Variants in PIWIL3 observed in about 807,000 individuals in gnomAD.
PIWIL3 encodes piwi-like protein 3.
Under a neutral mutation model 109.7 loss-of-function variants are expected in PIWIL3, and 101 were observed. The ratio of observed to expected loss-of-function variants is 0.92; its 90% CI spans 0.78 to 1.09. The LOEUF is 1.09. Among genes scored for constraint, PIWIL3 ranks in the 50% least tolerant of loss-of-function variants. The probability of loss-of-function intolerance (pLI) is 0.00; values close to 1 mark genes in which losing one functional copy is unlikely to be tolerated. For missense variants in PIWIL3, 1,031 were observed against 1,072.6 expected (o/e 0.96, Z 0.54); for synonymous variants, 373 against 376.4 (o/e 0.99, Z 0.10).
chr22:24,722,269 A>T (rs891086316), intron 19 of PIWIL3, among the ~76,000 whole-genome samples: 1 of 152,010 alleles, frequency 6.6e-6, no homozygotes, highest in Non-Finnish European at 1.5e-5. Context: ...TTTTTAGTGG[A>T]GACGAGGTTT....
At chr22:24,773,208 C>T (rs1926224390) in intron 1 of PIWIL3, among the ~76,000 whole-genome samples, 1 of 152,148 alleles carries the variant, frequency 6.6e-6, no homozygotes. Flanking sequence ...GCCATCTCTG[C>T]TGTGATGCTC....
At position 24,725,510 on chromosome 22, in the gene PIWIL3, T is replaced by TACC. The variant is rs756856279; in HGVS notation, c.2012_2014dup (p.Trp671dup). The TACC allele has an allele frequency of 3.9e-4, 625 of 1,613,910 alleles. No individual in the cohort carries two copies. Among genetic ancestry groups the TACC allele is most frequent in the Non-Finnish European group, 5.0e-4 (595 of 1,180,016 alleles). The stretch of plus-strand genomic sequence containing the variant: ...TGTTTTCTGGATGACACATTGAGAG[T>TACC]ACCACCTGTTCACAGAAAAACCACC... On this transcript the variant is annotated inframe_insertion, in exon 17 of 21. Transcript: ENST00000616349.
chr22:24,758,166 C>A, intron 3 of PIWIL3, 127 bp from the exon 4 acceptor site: 2 of 1,143,782 alleles, frequency 1.7e-6, no homozygotes, highest in South Asian at 1.6e-5. Context: ...AACACATTTC[C>A]GTGATATGTT....
At chr22:24,733,704 C>A (rs5751961) in intron 14 of PIWIL3, among the ~76,000 whole-genome samples, 4 of 85,234 alleles carry the variant, frequency 4.7e-5, no homozygotes, top group South Asian at 5.4e-4. Flanking sequence ...AAACAAAAAA[C>A]AACAACAACA....
In PIWIL3 at chr22:24,725,511, ACCACCTGTT is replaced by A; in HGVS notation, c.2010-5_2013del. The A allele has an allele frequency of 6.2e-7, 1 of 1,613,986 alleles. No individual in the cohort carries two copies. The highest frequency in any genetic ancestry group is 1.1e-5 in the South Asian group (1 of 91,092). ...GTTTTCTGGATGACACATTGAGAGT[ACCACCTGTT>A]CACAGAAAAACCACCAGTTTGGAAA... On this transcript the variant is annotated splice_acceptor_variant and splice_polypyrimidine_tract_variant and coding_sequence_variant and intron_variant, in exon 17 of 21. Coordinates refer to ENST00000616349, the MANE Select transcript of PIWIL3 (RefSeq NM_001255975.1). LOFTEE classifies it high-confidence loss of function.
At chr22:24,750,628 AC>A (rs1924652590) in intron 9 of PIWIL3, among the ~76,000 whole-genome samples, 1 of 150,754 alleles carries the variant, frequency 6.6e-6, no homozygotes, top group Admixed American at 6.6e-5. Flanking sequence ...AGCTGGGATT[AC>A]AGGCACGTGC....
intron 16 of PIWIL3, among the ~76,000 whole-genome samples, 197 bp from the exon 17 acceptor site, chr22:24,725,712 A>T (rs985341111): frequency 6.6e-6 from 1 of 152,270 alleles, no homozygotes; most frequent in Non-Finnish European, 1.5e-5. Context: ...GCATACAAAT[A>T]GTCAAGTAGA....
Position 24,759,938 on chromosome 22 carries a change from C to A in PIWIL3, c.154G>T (p.Val52Phe). The A allele has an allele frequency of 6.2e-7, 1 of 1,614,190 alleles. No homozygotes were observed. ...QSTPRPLQEE[V>F]PVVRPLQPRA... ...GGCTGCAGAGGTCTAACCACTGGGA[C>A]TTCCTCCTGCAGCGGCCGGGGTGTC... Residue 52 changes from valine (V) to phenylalanine (F), a missense_variant, in exon 3 of 21, where the codon GTC (valine) becomes TTC (phenylalanine). Val to Phe is a conservative substitution (Grantham distance 50, BLOSUM62 -1). Transcript: ENST00000616349.
chr22:24,765,185 T>C (rs1413172506), intron 1 of PIWIL3, among the ~76,000 whole-genome samples: 2 of 152,222 alleles, frequency 1.3e-5, no homozygotes, highest in African/African-American at 2.4e-5. Context: ...ACTGAAATGT[T>C]TGGATTCTCT....
At position 24,731,649 on chromosome 22, in the gene PIWIL3, C is replaced by CAAA. The variant is rs773614986; in HGVS notation, c.1707+2432_1707+2434dup. Among the ~76,000 whole-genome samples the CAAA allele has an allele frequency of 3.8e-3, 365 of 96,914 alleles. 3 individuals carry two copies. The highest frequency in any genetic ancestry group is 0.013 in the African/African-American group (340 of 26,524). 63.6% of individuals were successfully genotyped at this position (96,914 alleles called of 152,430 possible). ...CTGGGCGACAGAGTGAGACTCCGTC[C>CAAA]AAAAAAAAAAAAAAGAAAAGTTAAT... On this transcript the variant is annotated intron_variant, in intron 14 of 20. Transcript: ENST00000616349.
intron 12 of PIWIL3, among the ~76,000 whole-genome samples, chr22:24,740,463 G>A (rs1923936268): frequency 6.8e-6 from 1 of 148,088 alleles, no homozygotes; most frequent in Middle Eastern, 3.5e-3. Flanking sequence ...CAGGAGAATG[G>A]CATGAACCCG....
At chr22:24,722,156 C>T (rs1922711101) in intron 19 of PIWIL3, among the ~76,000 whole-genome samples, 2 of 152,184 alleles carry the variant, frequency 1.3e-5, no homozygotes, top group South Asian at 4.1e-4. Flanking sequence ...GATCTCCGCT[C>T]ACTGCAAGCT....
In PIWIL3 at chr22:24,764,625, C is replaced by CGTGTGTGTGTGTGTGTGTGTGT. The variant is rs140531011; in HGVS notation, c.-22-2126_-22-2105dup. ...TTTCTGTCATTCTTTTTGACCTTGCCGTGTGTGTGTGTGTGTGTGTGTGTG... is the reference window on the plus strand; with the variant it reads ...TTTCTGTCATTCTTTTTGACCTTGCCGTGTGTGTGTGTGTGTGTGTGTGTGTGTGTGTGTGTGTGTGTGTGTG... On this transcript the variant is annotated intron_variant, in intron 1 of 20. Coordinates refer to ENST00000616349, the MANE Select transcript of PIWIL3 (RefSeq NM_001255975.1). 5.9e-3 allele frequency among the ~76,000 whole-genome samples: 793 copies of CGTGTGTGTGTGTGTGTGTGTGT among 134,664 alleles called. 17 individuals are homozygous for CGTGTGTGTGTGTGTGTGTGTGT. The highest frequency in any genetic ancestry group is 0.011 in the Middle Eastern group (3 of 262). 88.3% of individuals were successfully genotyped at this position (134,664 alleles called of 152,430 possible).
In PIWIL3 at chr22:24,719,749, G is replaced by C. The variant is rs773593639; in HGVS notation, c.2504C>G (p.Pro835Arg). 4 of 1,610,472 alleles carry C rather than the reference G, an allele frequency of 2.5e-6. No homozygotes were observed. Among genetic ancestry groups the C allele is most frequent in the Non-Finnish European group, 3.4e-6 (4 of 1,177,478 alleles). Residue 835 changes from proline (P) to arginine (R), a missense_variant and splice_region_variant, in exon 20 of 21, where the codon CCA (proline) becomes CGA (arginine). Pro to Arg is a moderately radical substitution (Grantham distance 103). Coordinates refer to ENST00000616349, the MANE Select transcript of PIWIL3 (RefSeq NM_001255975.1). Reference sequence around the variant, plus strand: ...AAAAAAGTAACAAAAAGTACTTACTGGCAAATTATAATACATGTGGCATAG... The same window carrying C: ...AAAAAAGTAACAAAAAGTACTTACTCGCAAATTATAATACATGTGGCATAG... Reference protein sequence around the residue: ...YCLCHMYYNLPGIIRVPAPCH... With the variant: ...YCLCHMYYNLRGIIRVPAPCH...
At chr22:24,755,153 C>T (rs769715897) in intron 6 of PIWIL3, among the ~76,000 whole-genome samples, 5 of 152,256 alleles carry the variant, frequency 3.3e-5, no homozygotes, top group South Asian at 2.1e-4. Context: ...GACAGAGTCT[C>T]GCTCTGTTGC....
intron 14 of PIWIL3, among the ~76,000 whole-genome samples, chr22:24,732,863 T>C (rs1392288727): frequency 6.6e-6 from 1 of 152,018 alleles, no homozygotes; most frequent in South Asian, 2.1e-4. Context: ...AGATACCAAA[T>C]GAGCAAAGAG....
At chr22:24,764,955 A>C (rs1332052642) in intron 1 of PIWIL3, among the ~76,000 whole-genome samples, 1 of 152,170 alleles carries the variant, frequency 6.6e-6, no homozygotes, top group Non-Finnish European at 1.5e-5. Context: ...TGGGGGAGAG[A>C]GGCAACAAGT....
At position 24,756,496 on chromosome 22, in the gene PIWIL3, C is replaced by G; in HGVS notation, c.565G>C (p.Glu189Gln). The change falls in exon 5 of 21, where the codon GAG becomes CAG. Residue 189 changes from glutamate to glutamine, a missense_variant. Glu to Gln is a conservative substitution (Grantham distance 29). Transcript: ENST00000616349. The part of the protein sequence containing the change: ...NSLLLSRPLK[E>Q]RRVEWLSTTK... ...GTGAAACAACATTACTTAACCCGCT[C>G]TTTTAGTGGCCGAGATAATAATAAA... 6.2e-7 allele frequency: 1 copy of G among 1,612,804 alleles called. No individual in the cohort carries two copies. The highest frequency in any genetic ancestry group is 8.5e-7 in the Non-Finnish European group (1 of 1,179,260).
chr22:24,719,317 T>A lies in PIWIL3; in HGVS notation c.*155A>T. On this transcript the variant is annotated 3_prime_UTR_variant, in exon 21 of 21. Transcript: ENST00000616349. ...AATCAGTCTGTGGTAGTATTGAGAGTAGAACATATCACTCTGAATCTCTCC... is the reference window on the plus strand; with the variant it reads ...AATCAGTCTGTGGTAGTATTGAGAGAAGAACATATCACTCTGAATCTCTCC... 1 of 542,598 alleles carries A rather than the reference T, an allele frequency of 1.8e-6. No homozygotes were observed. The highest frequency in any genetic ancestry group is 3.2e-6 in the Non-Finnish European group (1 of 311,774). 33.6% of individuals were successfully genotyped at this position (542,598 alleles called of 1,614,324 possible). A position where few individuals can be genotyped will look rare whatever the true frequency, so the allele number is the denominator to read the frequency against.
Sources: gnomAD v4.1 joint callset for allele counts (sites outside exome capture counted in the v4.1 genomes callset) on GRCh38, gnomAD v4.1.1 for gene constraint, MANE v1.5 for transcripts, NCBI Gene and HGNC (gene_info 2026-07-23, HGNC 2026-07-21) for gene names.